The following PPM1L variants were observed in gnomAD, a reference collection of about 807,000 sequenced individuals.
The protein encoded by PPM1L is protein phosphatase, Mg2+/Mn2+ dependent 1L.
In PPM1L, 13 loss-of-function variants were observed where a neutral mutation model predicts 31.4. That is an observed-to-expected ratio of 0.41 (90% CI 0.27 to 0.66). The LOEUF is 0.66. Among genes scored for constraint, PPM1L ranks in the 30% least tolerant of loss-of-function variants. The pLI is 0.29. For synonymous variants in PPM1L, 184 were observed against 175.4 expected (o/e 1.05, Z -0.39); for missense variants, 326 against 453.7 (o/e 0.72, Z 2.56).
intron 2 of PPM1L, among the ~76,000 whole-genome samples, chr3:161,003,121 T>G (rs908429305): frequency 2.4e-4 from 37 of 151,826 alleles, no homozygotes; most frequent in Admixed American, 6.6e-5. Context: ...CTTGTTTTTC[T>G]CAGGTTTGTC....
intron 1 of PPM1L, among the ~76,000 whole-genome samples, chr3:160,892,431 A>G (rs540590218): frequency 6.6e-6 from 1 of 152,288 alleles, no homozygotes; most frequent in East Asian, 1.9e-4. Flanking sequence ...CCCATGACCC[A>G]CACATCTCCA....
chr3:160,845,524 A>G (rs1714050537), intron 1 of PPM1L, among the ~76,000 whole-genome samples: 1 of 151,812 alleles, frequency 6.6e-6, no homozygotes. Flanking sequence ...TTTATTTATT[A>G]TTATTATTTT....
At chr3:161,032,997 C>T (rs1718625680) in intron 2 of PPM1L, among the ~76,000 whole-genome samples, 1 of 150,764 alleles carries the variant, frequency 6.6e-6, no homozygotes, top group Non-Finnish European at 1.5e-5. Context: ...CCCTGGCCCA[C>T]AGAAAAGTTG....
chr3:160,766,341 T>C (rs533970044), intron 1 of PPM1L, among the ~76,000 whole-genome samples: 19 of 152,162 alleles, frequency 1.2e-4, no homozygotes, highest in Non-Finnish European at 7.4e-5. Context: ...GTAATTTCCA[T>C]GTGTTGAGGG....
chr3:161,059,785 G>T (rs180711857), intron 2 of PPM1L, among the ~76,000 whole-genome samples: 1 of 152,166 alleles, frequency 6.6e-6, no homozygotes, highest in African/African-American at 2.4e-5. Context: ...TGCTGTTCTT[G>T]TGATAGTGAG....
intron 2 of PPM1L, among the ~76,000 whole-genome samples, chr3:161,049,309 CA>C (rs111321374): frequency 2.0e-5 from 3 of 151,484 alleles, no homozygotes; most frequent in African/African-American, 7.3e-5. Context: ...CAAAACAAAA[CA>C]AAAAAACCCT....
At chr3:160,932,399 A>G (rs961544795) in intron 1 of PPM1L, among the ~76,000 whole-genome samples, 2 of 152,074 alleles carry the variant, frequency 1.3e-5, no homozygotes, top group African/African-American at 4.8e-5. Flanking sequence ...TCTGACTTCT[A>G]TTTTGTCACC....
chr3:160,844,585 A>G (rs1193467567), intron 1 of PPM1L, among the ~76,000 whole-genome samples: 2 of 152,108 alleles, frequency 1.3e-5, no homozygotes, highest in South Asian at 2.1e-4. Flanking sequence ...TCCTCTTCAC[A>G]TGTCTTCTGC....
chr3:160,834,797 A>G (rs1051234384), intron 1 of PPM1L, among the ~76,000 whole-genome samples: 1 of 152,120 alleles, frequency 6.6e-6, no homozygotes, highest in African/African-American at 2.4e-5. Context: ...ATTCCATTGT[A>G]TGAATGTGCC....
chr3:160,789,711 A>G (rs1036968868), intron 1 of PPM1L, among the ~76,000 whole-genome samples: 2 of 152,036 alleles, frequency 1.3e-5, no homozygotes, highest in African/African-American at 4.8e-5. Context: ...ACATATGATC[A>G]TAGTTTTTTT....
At chr3:160,875,989 C>A (rs1443929723) in intron 1 of PPM1L, among the ~76,000 whole-genome samples, 1 of 152,186 alleles carries the variant, frequency 6.6e-6, no homozygotes, top group African/African-American at 2.4e-5. Context: ...CTCTTATTTG[C>A]TGTAAGTCCT....
chr3:160,987,738 A>T (rs1413475840), intron 2 of PPM1L, among the ~76,000 whole-genome samples: 2 of 152,216 alleles, frequency 1.3e-5, no homozygotes, highest in African/African-American at 4.8e-5. Context: ...CCTCTCCTAT[A>T]TGACTTCAGA....
At chr3:160,769,653 AGTT>A (rs1215511798) in intron 1 of PPM1L, among the ~76,000 whole-genome samples, 2 of 151,928 alleles carry the variant, frequency 1.3e-5, no homozygotes, top group East Asian at 3.9e-4. Context: ...TATTCACTAT[AGTT>A]AATGCTGCTG....
intron 2 of PPM1L, among the ~76,000 whole-genome samples, chr3:161,001,105 A>G (rs988821540): frequency 6.6e-6 from 1 of 152,180 alleles, no homozygotes; most frequent in Non-Finnish European, 1.5e-5. Context: ...GATTGAGTCT[A>G]GTAACAATAA....
In PPM1L at chr3:161,008,132, C is replaced by T. The variant is rs372931887; in HGVS notation, c.574+46222C>T. On this transcript the variant is annotated intron_variant, in intron 2 of 3. Coordinates refer to ENST00000498165, the MANE Select transcript of PPM1L (RefSeq NM_139245.4). ...CTTTTCCCCAAAGCTAACCATAAAA[C>T]CATAAGTATTTTTAAATATTACTCT... 1.7e-4 allele frequency among the ~76,000 whole-genome samples: 26 copies of T among 152,270 alleles called. 1 individual carries two copies. The South Asian group carries it at 5.4e-3, about 32-fold the overall frequency.
At chr3:161,018,849 G>A (rs1028525124) in intron 2 of PPM1L, among the ~76,000 whole-genome samples, 1 of 152,106 alleles carries the variant, frequency 6.6e-6, no homozygotes, top group Non-Finnish European at 1.5e-5. Context: ...AGGCATTCTG[G>A]AGGGAAAAAC....
chr3:160,917,467 G>A (rs550867852), intron 1 of PPM1L, among the ~76,000 whole-genome samples: 12 of 152,166 alleles, frequency 7.9e-5, no homozygotes, highest in African/African-American at 2.9e-4. Context: ...GGTAAGCAAA[G>A]TGATCTCTGG....
chr3:160,796,547 C>T (rs553535537), intron 1 of PPM1L, among the ~76,000 whole-genome samples: 70 of 152,322 alleles, frequency 4.6e-4, no homozygotes, highest in African/African-American at 1.5e-3. Context: ...TCACTTTGCT[C>T]TTTGTGGGAC....
chr3:160,761,266 A>G (rs536317272), intron 1 of PPM1L, among the ~76,000 whole-genome samples: 2 of 152,334 alleles, frequency 1.3e-5, no homozygotes, highest in East Asian at 3.9e-4. Context: ...GGAACTGTGT[A>G]TCTGAACCCC....
Sources: allele counts gnomAD v4.1 joint callset (sites outside exome capture counted in the v4.1 genomes callset), GRCh38; gene constraint gnomAD v4.1.1; transcripts MANE v1.5; gene names NCBI Gene and HGNC (gene_info 2026-07-23, HGNC 2026-07-21).